The following COPS5 variants were observed in gnomAD, a reference collection of about 807,000 sequenced individuals.
COPS5 encodes the protein COP9 signalosome subunit 5, also known as COP9 signalosome complex subunit 5.
Under a neutral mutation model 44.4 loss-of-function variants are expected in COPS5, and 8 were observed. That is an observed-to-expected ratio of 0.18 (90% CI 0.11 to 0.32). The LOEUF (loss-of-function observed/expected upper bound fraction) is 0.32, where lower values mean the gene tolerates loss of function less well. COPS5 is among the 10% of genes least tolerant of loss of function. The probability of loss-of-function intolerance (pLI) is 1.00; values close to 1 mark genes in which losing one functional copy is unlikely to be tolerated. For missense variants in COPS5, 159 were observed against 406.4 expected (o/e 0.39, Z 5.23); for synonymous variants, 122 against 142.8 (o/e 0.85, Z 1.04).
rs1001235902 is a variant in COPS5 at position 67,046,094 on chromosome 8, T to C, written c.772-134A>G. The C allele has an allele frequency of 1.7e-5, 15 of 878,906 alleles. No individual in the cohort carries two copies. The East Asian group carries it at 1.9e-4, about 11-fold the overall frequency. 54.4% of individuals were successfully genotyped at this position (878,906 alleles called of 1,614,324 possible). On this transcript the variant is annotated intron_variant, in intron 6 of 7. Coordinates refer to ENST00000357849, the MANE Select transcript of COPS5 (RefSeq NM_006837.3). ...AATTCCACTGTAAAATCTGAGTGAATAGTCAGTGAGGAGAGAAGTCAAATT... is the reference window on the plus strand; with the variant it reads ...AATTCCACTGTAAAATCTGAGTGAACAGTCAGTGAGGAGAGAAGTCAAATT...
intron 1 of COPS5, chr8:67,059,914 G>C (rs1804560973): frequency 5.9e-6 from 1 of 168,328 alleles, no homozygotes; most frequent in Non-Finnish European, 1.3e-5. Context: ...TGTAATATCT[G>C]TGCCTAGGTT....
rs547940234 is a variant in COPS5, at chr8:67,057,242, A to G, written c.573+138T>C. The G allele has an allele frequency of 5.1e-5, 22 of 432,374 alleles. 1 individual carries two copies. Among genetic ancestry groups the G allele is most frequent in the African/African-American group, 4.2e-4 (21 of 49,534 alleles). 26.8% of individuals were successfully genotyped at this position (432,374 alleles called of 1,614,324 possible). A position where few individuals can be genotyped will look rare whatever the true frequency, so the allele number is the denominator to read the frequency against. On this transcript the variant is annotated intron_variant, in intron 4 of 7. Transcript: ENST00000357849. ...AATTACTAAGCATTCCTACCGTCCCAGCTACTTGGGAGGCTGAGTTGGCTT... is the reference window on the plus strand; with the variant it reads ...AATTACTAAGCATTCCTACCGTCCCGGCTACTTGGGAGGCTGAGTTGGCTT...
At chr8:67,058,722 A>G (rs1804546087) in intron 2 of COPS5, among the ~76,000 whole-genome samples, 1 of 152,144 alleles carries the variant, frequency 6.6e-6, no homozygotes, top group African/African-American at 2.4e-5. Context: ...TCCATGCCAT[A>G]GACCGGGTGC....
intron 6 of COPS5, among the ~76,000 whole-genome samples, chr8:67,046,801 C>A (rs1295434605): frequency 1.3e-5 from 1 of 79,686 alleles, no homozygotes. Context: ...CCAGCCTGGG[C>A]AACAAGAGCA....
At chr8:67,053,711 A>C (rs527574848) in intron 5 of COPS5, among the ~76,000 whole-genome samples, 10 of 147,140 alleles carry the variant, frequency 6.8e-5, no homozygotes, top group African/African-American at 2.5e-4. Flanking sequence ...ACACACACAC[A>C]AAGAACATTT....
chr8:67,056,485 G>T (rs202235459), intron 5 of COPS5, 34 bp downstream of exon 5: 4 of 800,862 alleles, frequency 5.0e-6, no homozygotes, highest in Non-Finnish European at 8.2e-6. Context: ...GTGAGTCACC[G>T]TGCCTGGCCC....
chr8:67,056,484 C>T (rs766362323), intron 5 of COPS5, 35 bp downstream of exon 5: 14 of 788,962 alleles, frequency 1.8e-5, no homozygotes, highest in Admixed American at 1.1e-4. Context: ...TGTGAGTCAC[C>T]GTGCCTGGCC....
intron 6 of COPS5, chr8:67,047,781 T>A: frequency 1.4e-6 from 1 of 702,498 alleles, no homozygotes. Context: ...ATACAAAGGT[T>A]CAGACTGTTC....
At chr8:67,048,443 G>A (rs866661463) in intron 6 of COPS5, among the ~76,000 whole-genome samples, 9 of 151,798 alleles carry the variant, frequency 5.9e-5, no homozygotes, top group South Asian at 2.1e-4. Context: ...CCAGCCGGGC[G>A]CGGTGGCTCA....
chr8:67,056,685 A>G, intron 4 of COPS5, 81 bp from the exon 5 acceptor site: 1 of 128,798 alleles, frequency 7.8e-6, no homozygotes, highest in Admixed American at 8.5e-5. Context: ...ATATATATAT[A>G]TATATATATA....
chr8:67,052,411 G>A (rs1202407868), intron 5 of COPS5, among the ~76,000 whole-genome samples: 1 of 151,366 alleles, frequency 6.6e-6, no homozygotes, highest in Non-Finnish European at 1.5e-5. Flanking sequence ...TTACACAAAA[G>A]GTTAAGAATT....
At chr8:67,060,280 A>C (rs978002702) in intron 1 of COPS5, 1 of 1,054,598 alleles carries the variant, frequency 9.5e-7, no homozygotes, top group African/African-American at 1.7e-5. Flanking sequence ...TTAGACAGTG[A>C]GGCAGGCCAA....
At chr8:67,049,512 A>G (rs1804367951) in intron 6 of COPS5, among the ~76,000 whole-genome samples, 1 of 152,236 alleles carries the variant, frequency 6.6e-6, no homozygotes, top group African/African-American at 2.4e-5. Flanking sequence ...GGTCAACTGA[A>G]TAAACCTGAA....
In COPS5 at chr8:67,062,025, C is replaced by T. The variant is rs780257109; in HGVS notation, c.-29G>A. The T allele has an allele frequency of 4.0e-5, 64 of 1,614,076 alleles. No homozygotes were observed. In the Admixed American group the frequency reaches 1.0e-3, roughly 26 times the overall value. On this transcript the variant is annotated 5_prime_UTR_variant, in exon 1 of 8. Coordinates refer to ENST00000357849, the MANE Select transcript of COPS5 (RefSeq NM_006837.3). Reference sequence around the variant, plus strand: ...CGAGGAAGCGGAGAAGTTGTCGTCTCTACAACCAAGACGCAACTTTACCTC... The same window carrying T: ...CGAGGAAGCGGAGAAGTTGTCGTCTTTACAACCAAGACGCAACTTTACCTC...
chr8:67,045,453 CA>C (rs199646280), intron 7 of COPS5: 615 of 149,492 alleles, frequency 4.1e-3, no homozygotes, highest in Middle Eastern at 0.017. Context: ...GATTCTGTCT[CA>C]AAAAAAAAAA....
chr8:67,043,632 T>C (rs954521133), intron 7 of COPS5: 7 of 171,472 alleles, frequency 4.1e-5, no homozygotes, highest in Admixed American at 6.3e-5. Flanking sequence ...TATATTAAAA[T>C]CTGTTATTCC....
intron 5 of COPS5, 43 bp from the exon 6 acceptor site, chr8:67,051,384 T>A: frequency 1.3e-5 from 13 of 1,026,274 alleles, no homozygotes; most frequent in Non-Finnish European, 1.5e-5. Context: ...AAAAAAAAAA[T>A]TCAACTACGT....
rs1310321952 is a variant in COPS5 at position 67,043,329 on chromosome 8, A to AC, written c.921-13_921-12insG. The stretch of plus-strand genomic sequence containing the variant: ...TGGTAGTTTTACAGCTGGAAAAAAA[A>AC]ACACACATCACATGATGTCATAAAT... On this transcript the variant is annotated splice_polypyrimidine_tract_variant and intron_variant, in intron 7 of 7. Transcript: ENST00000357849. The AC allele has an allele frequency of 2.0e-6, 3 of 1,528,896 alleles. No individual in the cohort carries two copies. The highest frequency in any genetic ancestry group is 2.7e-5 in the African/African-American group (2 of 72,988). The allele number at this position is 1,528,896 out of a possible 1,614,324, so 94.7% of individuals were successfully genotyped here.
In COPS5 at chr8:67,062,082, C is replaced by G. The variant is rs1260285991; in HGVS notation, c.-86G>C. 2 of 1,598,110 alleles carry G rather than the reference C, an allele frequency of 1.3e-6. No homozygotes were observed. Among genetic ancestry groups the G allele is most frequent in the South Asian group, 2.2e-5 (2 of 89,690 alleles). ...TTTCCGGGTGTGGGCCTTGACCCTC[C>G]GCACCACGGGAACAAACTCTTACCT... is the stretch of plus-strand genomic sequence containing the variant. On this transcript the variant is annotated 5_prime_UTR_variant, in exon 1 of 8. Coordinates refer to ENST00000357849, the MANE Select transcript of COPS5 (RefSeq NM_006837.3).
Sources: allele counts gnomAD v4.1 joint callset (sites outside exome capture counted in the v4.1 genomes callset), GRCh38; gene constraint gnomAD v4.1.1; transcripts MANE v1.5; gene names NCBI Gene and HGNC (gene_info 2026-07-23, HGNC 2026-07-21).